Variants in ULK4 observed in about 807,000 individuals in gnomAD.
The protein encoded by ULK4 is inactive serine/threonine-protein kinase ULK4.
In ULK4, 133 loss-of-function variants were observed where a neutral mutation model predicts 160.6. The observed-to-expected ratio is 0.83, with a 90% CI of 0.72 to 0.96. ULK4 has a LOEUF of 0.96. Ranked by LOEUF, ULK4 falls within the 40% of genes least tolerant of loss-of-function variation. The pLI, the probability that ULK4 is intolerant of heterozygous loss-of-function variation, is 0.00. For missense variants in ULK4, 1,580 were observed against 1,499.5 expected, an observed-to-expected ratio of 1.05 and a Z score of -0.89; for synonymous variants, 534 against 539.8, an observed-to-expected ratio of 0.99 and a Z score of 0.15.
chr3:41,667,625 G>A (rs2035391219), intron 29 of ULK4, among the ~76,000 whole-genome samples: 2 of 152,188 alleles, frequency 1.3e-5, no homozygotes, highest in Admixed American at 6.5e-5. Context: ...AGGGGCTGGA[G>A]AGGAGCACTC....
chr3:41,649,208 G>A (rs2034635614), intron 30 of ULK4, among the ~76,000 whole-genome samples: 1 of 152,144 alleles, frequency 6.6e-6, no homozygotes, highest in African/African-American at 2.4e-5. Context: ...TACAGGCGCA[G>A]ACAGAATAGG....
chr3:41,822,888 A>AT (rs2041195296), intron 18 of ULK4, among the ~76,000 whole-genome samples: 1 of 150,684 alleles, frequency 6.6e-6, no homozygotes, highest in Non-Finnish European at 1.5e-5. Context: ...CACCCGGCTA[A>AT]TTTTTTTGTA....
chr3:41,272,343 GTTTT>G (rs3038324), intron 35 of ULK4, among the ~76,000 whole-genome samples: 1,742 of 95,510 alleles, frequency 0.018, 18 homozygotes, highest in African/African-American at 0.059. Flanking sequence ...AATTTTGAAA[GTTTT>G]TTTTTTTTTT....
chr3:41,565,728 G>A (rs894571223), intron 32 of ULK4, among the ~76,000 whole-genome samples: 6 of 152,056 alleles, frequency 3.9e-5, no homozygotes, highest in East Asian at 1.9e-4. Context: ...CAGGTAATCC[G>A]TTATAGCAAC....
chr3:41,434,009 A>C (rs964879413), intron 34 of ULK4, among the ~76,000 whole-genome samples: 5 of 152,352 alleles, frequency 3.3e-5, no homozygotes, highest in African/African-American at 1.2e-4. Context: ...GGCGTGAGCC[A>C]CCACACCCGG....
intron 32 of ULK4, among the ~76,000 whole-genome samples, chr3:41,544,396 C>T (rs190065891): frequency 6.6e-6 from 1 of 152,280 alleles, no homozygotes; most frequent in Non-Finnish European, 1.5e-5. Context: ...AGCATGCCTC[C>T]AAAATTTAGG....
chr3:41,885,075 T>A (rs1294418695), intron 16 of ULK4, among the ~76,000 whole-genome samples: 1 of 152,124 alleles, frequency 6.6e-6, no homozygotes, highest in Non-Finnish European at 1.5e-5. Flanking sequence ...CAGGCTGACC[T>A]TGAACTCCTG....
In ULK4 at chr3:41,774,360, T is replaced by G. The variant is rs1373596220; in HGVS notation, c.2193+15301A>C. Among the ~76,000 whole-genome samples, 8 of 150,144 alleles carry G rather than the reference T, an allele frequency of 5.3e-5. 1 individual carries two copies. Among genetic ancestry groups the G allele is most frequent in the Non-Finnish European group, 1.0e-4 (7 of 68,008 alleles). The stretch of plus-strand genomic sequence containing the variant: ...CTAATATCCAGAATCTACAATGAAC[T>G]CAAACAAATTTACAAGAAAAAACCA... On this transcript the variant is annotated intron_variant, in intron 21 of 36. Coordinates refer to ENST00000301831, the MANE Select transcript of ULK4 (RefSeq NM_017886.4).
At position 41,259,175 on chromosome 3, in the gene ULK4, A is replaced by G. The variant is rs771412326; in HGVS notation, c.3679-9601T>C. The stretch of plus-strand genomic sequence containing the variant: ...TGGGATAAATACATAATTTTATGCA[A>G]ACTCTGCTATGGTCACTTTAACATG... On this transcript the variant is annotated intron_variant, in intron 35 of 36. Transcript: ENST00000301831. Among the ~76,000 whole-genome samples, 12 of 151,990 alleles carry G rather than the reference A, an allele frequency of 7.9e-5. No individual in the cohort carries two copies. The South Asian group carries it at 1.2e-3, about 16-fold the overall frequency.
chr3:41,570,990 TA>T (rs1007184094), intron 31 of ULK4, among the ~76,000 whole-genome samples: 1 of 152,056 alleles, frequency 6.6e-6, no homozygotes, highest in African/African-American at 2.4e-5. Flanking sequence ...ATGCACAGAA[TA>T]AAAAAAGAGA....
chr3:41,501,853 T>G (rs1350144796), intron 32 of ULK4, among the ~76,000 whole-genome samples: 3 of 152,150 alleles, frequency 2.0e-5, no homozygotes, highest in Non-Finnish European at 4.4e-5. Context: ...CTCCAAACCC[T>G]GCCACCACCA....
At chr3:41,270,477 C>T (rs2079121815) in intron 35 of ULK4, among the ~76,000 whole-genome samples, 1 of 152,214 alleles carries the variant, frequency 6.6e-6, no homozygotes, top group Admixed American at 6.5e-5. Context: ...TTTTCCTTTT[C>T]TCTCTATCCC....
intron 30 of ULK4, among the ~76,000 whole-genome samples, chr3:41,642,226 A>G (rs2034241120): frequency 6.6e-6 from 1 of 151,984 alleles, no homozygotes; most frequent in Admixed American, 6.6e-5. Context: ...TTTAGGGTAC[A>G]TGTGCACAAC....
intron 34 of ULK4, among the ~76,000 whole-genome samples, chr3:41,412,020 C>T (rs1230888043): frequency 6.6e-6 from 1 of 152,052 alleles, no homozygotes; most frequent in Non-Finnish European, 1.5e-5. Flanking sequence ...ACTTTATTTG[C>T]GTAAGTCTGA....
chr3:41,419,940 C>A (rs2082622155), intron 34 of ULK4, among the ~76,000 whole-genome samples: 1 of 151,890 alleles, frequency 6.6e-6, no homozygotes, highest in Admixed American at 6.6e-5. Flanking sequence ...ACTGGGCTTC[C>A]TCCGCCCTGT....
chr3:41,325,453 T>G (rs927387018), intron 35 of ULK4, among the ~76,000 whole-genome samples: 6 of 152,348 alleles, frequency 3.9e-5, no homozygotes, highest in African/African-American at 1.4e-4. Context: ...TGTTATGTGA[T>G]AAACACATAC....
intron 35 of ULK4, among the ~76,000 whole-genome samples, chr3:41,258,104 G>A (rs975162945): frequency 6.6e-6 from 1 of 152,142 alleles, no homozygotes; most frequent in Non-Finnish European, 1.5e-5. Context: ...GCTGAAGGTT[G>A]TAAATTAAGA....
intron 31 of ULK4, among the ~76,000 whole-genome samples, chr3:41,585,334 T>C (rs183638832): frequency 6.6e-6 from 1 of 152,174 alleles, no homozygotes; most frequent in East Asian, 1.9e-4. Flanking sequence ...TATAAACCAA[T>C]GGAACGAAAC....
intron 30 of ULK4, among the ~76,000 whole-genome samples, chr3:41,649,442 T>C (rs1403539007): frequency 6.6e-6 from 1 of 152,084 alleles, no homozygotes; most frequent in Non-Finnish European, 1.5e-5. Flanking sequence ...CCCTGTGCTC[T>C]CCAGGCCTGG....
Sources: gnomAD v4.1 joint callset for allele counts (sites outside exome capture counted in the v4.1 genomes callset) on GRCh38, gnomAD v4.1.1 for gene constraint, MANE v1.5 for transcripts, NCBI Gene and HGNC (gene_info 2026-07-23, HGNC 2026-07-21) for gene names.